The following TRIM61 variants were observed in gnomAD, a reference collection of about 807,000 sequenced individuals.
TRIM61 encodes tripartite motif containing 61.
In TRIM61, 1 loss-of-function variant was observed where a neutral mutation model predicts 14.2. The observed-to-expected ratio is 0.07, with a 90% CI of 0.03 to 0.33. The LOEUF (loss-of-function observed/expected upper bound fraction) is 0.33, where lower values mean the gene tolerates loss of function less well. TRIM61 is among the 10% of genes least tolerant of loss of function. The pLI, the probability that TRIM61 is intolerant of heterozygous loss-of-function variation, is 0.99. For synonymous variants in TRIM61, 8 were observed against 71.6 expected (o/e 0.11, Z 4.49); for missense variants, 19 against 202.2 (o/e 0.09, Z 5.49).
intron 3 of TRIM61, chr4:164,969,091 T>C (rs1732302939): frequency 9.1e-7 from 1 of 1,095,518 alleles, no homozygotes; most frequent in Admixed American, 4.9e-5. Context: ...GTTTACGATG[T>C]GCTGTTTCAG....
At chr4:164,966,876 G>A (rs371095632) in intron 3 of TRIM61, among the ~76,000 whole-genome samples, 13 of 152,144 alleles carry the variant, frequency 8.5e-5, no homozygotes, top group African/African-American at 2.4e-4. Flanking sequence ...GCAGTGAGAC[G>A]AGATAATGCC....
In TRIM61 at chr4:164,954,639, A is replaced by G. The variant is rs575049215; in HGVS notation, c.*146T>C. 5.9e-5 allele frequency: 9 copies of G among 152,332 alleles called. No individual in the cohort carries two copies. The highest frequency in any genetic ancestry group is 2.6e-4 in the Admixed American group (4 of 15,298). 9.4% of individuals were successfully genotyped at this position (152,332 alleles called of 1,614,324 possible). A position where few individuals can be genotyped will look rare whatever the true frequency, so the allele number is the denominator to read the frequency against. Reference sequence around the variant, plus strand: ...ACCTTACAAATGTAATTAAAATTTTATTATGGTATAGGAACATATACATAC... The same window carrying G: ...ACCTTACAAATGTAATTAAAATTTTGTTATGGTATAGGAACATATACATAC... On this transcript the variant is annotated 3_prime_UTR_variant, in exon 5 of 5. Coordinates refer to ENST00000329314, the MANE Select transcript of TRIM61 (RefSeq NM_001012414.3).
At chr4:164,974,980 C>T (rs903840947) in intron 2 of TRIM61, among the ~76,000 whole-genome samples, 3 of 151,958 alleles carry the variant, frequency 2.0e-5, no homozygotes, top group Non-Finnish European at 2.9e-5. Context: ...CACTTGTAAT[C>T]CCAGCACTTT....
At chr4:164,974,504 A>G (rs1218063616) in intron 2 of TRIM61, among the ~76,000 whole-genome samples, 1 of 152,142 alleles carries the variant, frequency 6.6e-6, no homozygotes, top group Non-Finnish European at 1.5e-5. Flanking sequence ...GTGCCCTGGA[A>G]CCAATGCCCT....
chr4:164,963,175 C>T (rs1468963476), intron 3 of TRIM61, among the ~76,000 whole-genome samples: 3 of 151,870 alleles, frequency 2.0e-5, no homozygotes, highest in Admixed American at 6.6e-5. Context: ...TTGGGGCTGC[C>T]GTGGGCTGTG....
intron 2 of TRIM61, among the ~76,000 whole-genome samples, chr4:164,973,499 C>T (rs1732417543): frequency 6.6e-6 from 1 of 152,172 alleles, no homozygotes; most frequent in Non-Finnish European, 1.5e-5. Flanking sequence ...TGATCCAACA[C>T]TACAATGGAG....
At chr4:164,968,420 TAATATA>T (rs1732287341) in intron 3 of TRIM61, 1 of 984,646 alleles carries the variant, frequency 1.0e-6, no homozygotes, top group African/African-American at 1.7e-5. Context: ...CCCCATAATT[TAATATA>T]AAGTAGGTCC....
At chr4:164,955,619 G>C (rs1731969479) in intron 3 of TRIM61, among the ~76,000 whole-genome samples, 4 of 149,968 alleles carry the variant, frequency 2.7e-5, no homozygotes, top group Non-Finnish European at 5.9e-5. Context: ...TGTCTTTATT[G>C]GTGTTTATAT....
chr4:164,966,767 G>A (rs1732251425), intron 3 of TRIM61, among the ~76,000 whole-genome samples: 1 of 151,996 alleles, frequency 6.6e-6, no homozygotes, highest in African/African-American at 2.4e-5. Flanking sequence ...ACAAAAATTA[G>A]CTGGGCATGG....
intron 2 of TRIM61, among the ~76,000 whole-genome samples, chr4:164,975,230 TAAAAA>T (rs879503925): frequency 7.5e-6 from 1 of 133,568 alleles, no homozygotes; most frequent in Admixed American, 7.6e-5. Flanking sequence ...AACTCCATCT[TAAAAA>T]AAAAAAAAAG....
chr4:164,963,491 C>A (rs189842837), intron 3 of TRIM61, among the ~76,000 whole-genome samples: 152 of 152,290 alleles, frequency 1.0e-3, no homozygotes, highest in Admixed American at 1.4e-3. Flanking sequence ...TGGCTCACGC[C>A]TGTAATCCCA....
intron 2 of TRIM61, among the ~76,000 whole-genome samples, chr4:164,976,281 GTTGTTTC>G (rs1379732910): frequency 6.6e-6 from 1 of 151,996 alleles, no homozygotes; most frequent in Admixed American, 6.6e-5. Context: ...TGGGCCCACT[GTTGTTTC>G]TCTATACTTT....
chr4:164,965,336 C>T (rs1185769610), intron 3 of TRIM61, among the ~76,000 whole-genome samples: 3 of 151,880 alleles, frequency 2.0e-5, no homozygotes, highest in Admixed American at 6.6e-5. Flanking sequence ...ACAATAGCAC[C>T]TGGAGCTTGA....
intron 3 of TRIM61, among the ~76,000 whole-genome samples, chr4:164,965,547 C>T (rs1191449321): frequency 1.3e-5 from 2 of 149,872 alleles, no homozygotes; most frequent in Admixed American, 6.7e-5. Context: ...GATTCTCCTG[C>T]CTCAGCCTCC....
chr4:164,959,877 T>C (rs1449745531), intron 3 of TRIM61, among the ~76,000 whole-genome samples: 1 of 152,184 alleles, frequency 6.6e-6, no homozygotes, highest in Non-Finnish European at 1.5e-5. Context: ...ATTGGTTGAA[T>C]TGTGTTCTCC....
rs556034613 is a variant in TRIM61, at chr4:164,962,248, T to C, written c.526-7152A>G. ...TTTTTTTTTTTTTTTTTTGAGACAG[T>C]GTTGCTCTGTCACCCAGGCTGGAGT... On this transcript the variant is annotated intron_variant, in intron 3 of 4. Transcript: ENST00000329314. Among the ~76,000 whole-genome samples, 4 of 144,030 alleles carry C rather than the reference T, an allele frequency of 2.8e-5. No homozygotes were observed. In the East Asian group the frequency reaches 8.2e-4, roughly 30 times the overall value. The allele number at this position is 144,030 out of a possible 152,430, so 94.5% of individuals were successfully genotyped here. A position where few individuals can be genotyped will look rare whatever the true frequency, so the allele number is the denominator to read the frequency against.
At chr4:164,960,969 T>C (rs1732117472) in intron 3 of TRIM61, among the ~76,000 whole-genome samples, 1 of 151,360 alleles carries the variant, frequency 6.6e-6, no homozygotes, top group Non-Finnish European at 1.5e-5. Context: ...TGTATACATA[T>C]ATACATATAT....
intron 3 of TRIM61, among the ~76,000 whole-genome samples, chr4:164,966,805 T>C (rs1256102308): frequency 5.3e-5 from 8 of 152,096 alleles, no homozygotes; most frequent in South Asian, 2.1e-4. Context: ...CCCAGCTACT[T>C]TGGGTGGAGA....
chr4:164,961,153 CAAAAAAAAAAAAAAAAAAAAAA>C (rs762554625), intron 3 of TRIM61, among the ~76,000 whole-genome samples: 1,877 of 31,676 alleles, frequency 0.059, 19 homozygotes, highest in African/African-American at 0.072. Context: ...AACTCTCAGG[CAAAAAAAAAAAAAAAAAAAAAA>C]AAAAAAAAAA....
Sources: allele counts gnomAD v4.1 joint callset (sites outside exome capture counted in the v4.1 genomes callset), GRCh38; gene constraint gnomAD v4.1.1; transcripts MANE v1.5; gene names NCBI Gene and HGNC (gene_info 2026-07-23, HGNC 2026-07-21).